The following PRKG1 variants were observed in gnomAD, a reference collection of about 807,000 sequenced individuals.
The protein encoded by PRKG1 is cGMP-dependent protein kinase 1.
Under a neutral mutation model 88.1 loss-of-function variants are expected in PRKG1, and 35 were observed. The ratio of observed to expected loss-of-function variants is 0.40; its 90% CI spans 0.30 to 0.53. PRKG1 has a LOEUF of 0.53. Ranked by LOEUF, PRKG1 falls within the 20% of genes least tolerant of loss-of-function variation. The pLI, the probability that PRKG1 is intolerant of heterozygous loss-of-function variation, is 0.59. For missense variants in PRKG1, 540 were observed against 839.8 expected, an observed-to-expected ratio of 0.64 and a Z score of 4.41; for synonymous variants, 303 against 292.5, an observed-to-expected ratio of 1.04 and a Z score of -0.37.
At chr10:51,245,604 T>A (rs1839268884) in intron 2 of PRKG1, 1 of 152,132 alleles carries the variant, frequency 6.6e-6, no homozygotes, top group Admixed American at 6.6e-5. Flanking sequence ...ATGCAGTCTC[T>A]GCCTTTGAGG....
At chr10:51,455,536 C>T (rs1735150274) in intron 2 of PRKG1, among the ~76,000 whole-genome samples, 2 of 152,190 alleles carry the variant, frequency 1.3e-5, no homozygotes. Context: ...TTCTTGAATG[C>T]TTTGCTGCTT....
intron 3 of PRKG1, among the ~76,000 whole-genome samples, chr10:51,790,789 A>G (rs1254557184): frequency 3.3e-5 from 5 of 152,126 alleles, no homozygotes; most frequent in Non-Finnish European, 4.4e-5. Context: ...AATATACTCA[A>G]TCATATAGCT....
At chr10:52,216,609 C>T (rs901825015) in intron 9 of PRKG1, among the ~76,000 whole-genome samples, 9 of 152,132 alleles carry the variant, frequency 5.9e-5, no homozygotes, top group African/African-American at 2.2e-4. Context: ...GCCAGGTCTG[C>T]AGAGCATTGT....
chr10:51,501,789 T>G (rs1357753993), intron 3 of PRKG1, among the ~76,000 whole-genome samples: 1 of 124,476 alleles, frequency 8.0e-6, no homozygotes, highest in Non-Finnish European at 1.7e-5. Context: ...AACTTTAGTT[T>G]CTTTTTTTTT....
chr10:51,036,327 T>A (rs947610529), intron 1 of PRKG1, among the ~76,000 whole-genome samples: 2 of 152,188 alleles, frequency 1.3e-5, no homozygotes, highest in African/African-American at 4.8e-5. Flanking sequence ...GTTGAACAGA[T>A]GAATGACAGG....
chr10:51,388,880 C>T (rs767034026), intron 2 of PRKG1, among the ~76,000 whole-genome samples: 1 of 152,158 alleles, frequency 6.6e-6, no homozygotes, highest in African/African-American at 2.4e-5. Flanking sequence ...TGGAAAATAA[C>T]AGAAATACAT....
intron 4 of PRKG1, among the ~76,000 whole-genome samples, chr10:51,890,421 A>C (rs1363569961): frequency 6.6e-6 from 1 of 152,186 alleles, no homozygotes; most frequent in African/African-American, 2.4e-5. Flanking sequence ...ATGGTCTGTC[A>C]CTTGACTGCA....
At chr10:51,069,912 C>T (rs185472364), upstream of PRKG1, among the ~76,000 whole-genome samples, 45 of 152,200 alleles carry the variant, frequency 3.0e-4, no homozygotes, top group African/African-American at 9.1e-4. Context: ...GTTCAAGTTA[C>T]TTACCCTGAG....
rs1840742679 is a variant in PRKG1, at chr10:52,238,185, A to G, written c.1077-13385A>G. Among the ~76,000 whole-genome samples, 7 of 87,542 alleles carry G rather than the reference A, an allele frequency of 8.0e-5. 1 individual carries two copies. The East Asian group carries it at 1.9e-3, about 24-fold the overall frequency. The allele number at this position is 87,542 out of a possible 152,430, so 57.4% of individuals were successfully genotyped here. On this transcript the variant is annotated intron_variant, in intron 9 of 17. Coordinates refer to ENST00000373980, the MANE Select transcript of PRKG1 (RefSeq NM_006258.4). Reference sequence around the variant, plus strand: ...AAAATCAATTCAAGATGGATTAAAGATTTAAACGTTAGACCTAAAACCATA... The same window carrying G: ...AAAATCAATTCAAGATGGATTAAAGGTTTAAACGTTAGACCTAAAACCATA...
At chr10:51,155,162 T>G (rs141862074) in intron 2 of PRKG1, among the ~76,000 whole-genome samples, 50 of 152,140 alleles carry the variant, frequency 3.3e-4, no homozygotes, top group African/African-American at 1.1e-3. Context: ...ACCTGTGGAT[T>G]CAATGTTCCT....
intron 3 of PRKG1, among the ~76,000 whole-genome samples, chr10:51,602,620 G>A (rs186000841): frequency 6.6e-6 from 1 of 151,438 alleles, no homozygotes; most frequent in Admixed American, 6.6e-5. Context: ...TACCTATGTT[G>A]CCCAGGCTGG....
intron 2 of PRKG1, among the ~76,000 whole-genome samples, chr10:51,164,248 G>A (rs569834414): frequency 4.6e-5 from 7 of 152,232 alleles, no homozygotes; most frequent in South Asian, 2.1e-4. Context: ...ACGAAAATCC[G>A]CTGTTCTGCA....
chr10:51,060,360 T>G (rs1428339857), intron 1 of PRKG1, among the ~76,000 whole-genome samples: 1 of 152,082 alleles, frequency 6.6e-6, no homozygotes, highest in Non-Finnish European at 1.5e-5. Flanking sequence ...ATTTGTGATT[T>G]TTGTTCTATA....
intron 4 of PRKG1, among the ~76,000 whole-genome samples, chr10:51,893,119 G>A (rs974478346): frequency 6.6e-6 from 1 of 152,068 alleles, no homozygotes; most frequent in African/African-American, 2.4e-5. Context: ...TAAAGTGTGT[G>A]ATTAGTGCCT....
At chr10:51,961,880 C>T (rs1423723001) in intron 5 of PRKG1, among the ~76,000 whole-genome samples, 2 of 152,008 alleles carry the variant, frequency 1.3e-5, no homozygotes, top group Admixed American at 6.6e-5. Flanking sequence ...AAGTAAGCCA[C>T]CAGAAGACTG....
chr10:51,448,278 A>G, intron 2 of PRKG1, among the ~76,000 whole-genome samples: 1 of 151,892 alleles, frequency 6.6e-6, no homozygotes, highest in East Asian at 1.9e-4. Context: ...AAGAAAATAA[A>G]CAAAAAAACT....
chr10:51,904,759 G>C (rs1842050088), intron 4 of PRKG1, among the ~76,000 whole-genome samples: 1 of 151,960 alleles, frequency 6.6e-6, no homozygotes. Flanking sequence ...AATGTTTTGA[G>C]GCATTTAAAA....
At chr10:51,387,824 G>T (rs1837291484) in intron 2 of PRKG1, among the ~76,000 whole-genome samples, 1 of 151,866 alleles carries the variant, frequency 6.6e-6, no homozygotes, top group Non-Finnish European at 1.5e-5. Context: ...CATTCTATTT[G>T]GACTTATCTA....
chr10:51,485,581 T>A (rs1840510194), intron 3 of PRKG1, among the ~76,000 whole-genome samples: 1 of 152,148 alleles, frequency 6.6e-6, no homozygotes, highest in African/African-American at 2.4e-5. Flanking sequence ...TAAAAAGTGA[T>A]TAAAGTCATT....
Sources: allele counts gnomAD v4.1 joint callset (sites outside exome capture counted in the v4.1 genomes callset), GRCh38; gene constraint gnomAD v4.1.1; transcripts MANE v1.5; gene names NCBI Gene and HGNC (gene_info 2026-07-23, HGNC 2026-07-21).